Variants in SLC16A10 observed in about 807,000 individuals in gnomAD.
The protein encoded by SLC16A10 is solute carrier family 16 member 10.
A neutral mutation model predicts 40.0 loss-of-function variants in SLC16A10; 27 were observed. That is an observed-to-expected ratio of 0.67 (90% confidence interval 0.50 to 0.93). SLC16A10 has a LOEUF of 0.93. Ranked by LOEUF, SLC16A10 falls within the 40% of genes least tolerant of loss-of-function variation. The pLI is 0.00. For missense variants in SLC16A10, 529 were observed against 658.2 expected (o/e 0.80, Z 2.15); for synonymous variants, 213 against 249.8 (o/e 0.85, Z 1.39).
intron 1 of SLC16A10, among the ~76,000 whole-genome samples, chr6:111,109,221 T>C (rs1180117702): frequency 6.6e-6 from 1 of 152,176 alleles, no homozygotes; most frequent in Non-Finnish European, 1.5e-5. Flanking sequence ...GTGATCCTTT[T>C]TGCAGTTAGT....
chr6:111,171,949 A>G (rs146365296), intron 1 of SLC16A10, among the ~76,000 whole-genome samples: 11 of 152,286 alleles, frequency 7.2e-5, no homozygotes, highest in African/African-American at 2.6e-4. Context: ...AAGAAAATAG[A>G]GTAGTATACT....
At position 111,222,037 on chromosome 6, in the gene SLC16A10, G is replaced by A. The variant is rs923020440; in HGVS notation, c.1350G>A (p.Val450=). 5.0e-6 allele frequency: 8 copies of A among 1,609,402 alleles called. No homozygotes were observed. The highest frequency in any genetic ancestry group is 6.8e-6 in the Non-Finnish European group (8 of 1,178,842). Residue 450 remains valine (V), a synonymous_variant, in exon 6 of 6, where the codon GTG becomes GTA. Transcript: ENST00000368851. Reference sequence around the variant, plus strand: ...GTGACAAACTGGGCTCCTATGATGTGGCATTCTACCTCGCTGGAGTCCCTC... The same window carrying A: ...GTGACAAACTGGGCTCCTATGATGTAGCATTCTACCTCGCTGGAGTCCCTC... The part of the protein sequence containing the change: ...LLRDKLGSYD[V]AFYLAGVPPL...
chr6:111,206,510 G>T, intron 3 of SLC16A10, 82 bp from the exon 4 acceptor site: 2 of 1,489,912 alleles, frequency 1.3e-6, no homozygotes, highest in Non-Finnish European at 1.9e-6. Flanking sequence ...TTGCAGAGAA[G>T]CAAATGCATT....
chr6:111,115,267 G>A (rs889832138), intron 1 of SLC16A10, among the ~76,000 whole-genome samples: 1 of 152,236 alleles, frequency 6.6e-6, no homozygotes, highest in Non-Finnish European at 1.5e-5. Flanking sequence ...CTGGAGCGCA[G>A]TGGCACGGTC....
intron 4 of SLC16A10, among the ~76,000 whole-genome samples, chr6:111,207,266 C>T (rs1282388810): frequency 6.6e-6 from 1 of 152,212 alleles, no homozygotes; most frequent in Non-Finnish European, 1.5e-5. Context: ...GAATGGTTTT[C>T]ATCCATTGCT....
rs899319387 is a variant in SLC16A10 at position 111,226,012 on chromosome 6, T to C, written c.*3777T>C. The C allele has an allele frequency of 2.0e-5, 3 of 152,230 alleles. No homozygotes were observed. The highest frequency in any genetic ancestry group is 7.2e-5 in the African/African-American group (3 of 41,468). The allele number at this position is 152,230 out of a possible 1,614,324, so 9.4% of individuals were successfully genotyped here. A position where few individuals can be genotyped will look rare whatever the true frequency, so the allele number is the denominator to read the frequency against. Reference sequence around the variant, plus strand: ...GATCCCCACCCAATTTCGTGTATCCTGGTGAATGGCTTTCTCTCAGCCTTC... The same window carrying C: ...GATCCCCACCCAATTTCGTGTATCCCGGTGAATGGCTTTCTCTCAGCCTTC... On this transcript the variant is annotated 3_prime_UTR_variant, in exon 6 of 6. Transcript: ENST00000368851.
At chr6:111,193,180 GAC>G in intron 3 of SLC16A10, 5 of 483,690 alleles carry the variant, frequency 1.0e-5, no homozygotes, top group Non-Finnish European at 1.3e-5. Context: ...GAATGATTAA[GAC>G]ACCTTCTCTC....
chr6:111,122,127 T>A (rs959145184), intron 1 of SLC16A10, among the ~76,000 whole-genome samples: 2 of 152,074 alleles, frequency 1.3e-5, no homozygotes, highest in African/African-American at 4.8e-5. Context: ...TCAGGGAGGG[T>A]TGGGATCAGG....
intron 1 of SLC16A10, among the ~76,000 whole-genome samples, chr6:111,123,258 T>C (rs1432770797): frequency 6.6e-6 from 1 of 152,168 alleles, no homozygotes; most frequent in Non-Finnish European, 1.5e-5. Flanking sequence ...AATATAATTC[T>C]CTCATGAGCA....
intron 1 of SLC16A10, among the ~76,000 whole-genome samples, chr6:111,100,736 G>A (rs1394608469): frequency 6.6e-6 from 1 of 151,846 alleles, no homozygotes; most frequent in East Asian, 1.9e-4. Context: ...AAGGAGGTTA[G>A]CTTTCCTTAA....
At chr6:111,158,880 G>A (rs566923230) in intron 1 of SLC16A10, among the ~76,000 whole-genome samples, 78 of 151,964 alleles carry the variant, frequency 5.1e-4, no homozygotes, top group African/African-American at 1.9e-3. Flanking sequence ...GAATCCAGGA[G>A]TTAGAGACCA....
intron 1 of SLC16A10, among the ~76,000 whole-genome samples, chr6:111,088,900 T>C (rs1251151562): frequency 6.6e-6 from 1 of 152,134 alleles, no homozygotes; most frequent in Non-Finnish European, 1.5e-5. Context: ...CATGACACTT[T>C]AACATAAATT....
intron 1 of SLC16A10, among the ~76,000 whole-genome samples, chr6:111,110,942 T>G (rs2114457731): frequency 6.6e-6 from 1 of 152,296 alleles, no homozygotes; most frequent in South Asian, 2.1e-4. Context: ...TTTTTTTACA[T>G]TTTTTATTGT....
intron 1 of SLC16A10, among the ~76,000 whole-genome samples, chr6:111,093,682 T>G (rs1207977504): frequency 6.6e-6 from 1 of 152,190 alleles, no homozygotes; most frequent in East Asian, 1.9e-4. Context: ...TAGAAAAATT[T>G]TTAGTAACAG....
At chr6:111,219,278 T>G (rs563156420) in intron 5 of SLC16A10, among the ~76,000 whole-genome samples, 33 of 151,998 alleles carry the variant, frequency 2.2e-4, no homozygotes, top group Non-Finnish European at 4.3e-4. Flanking sequence ...ATAAAACACT[T>G]TGGGAGGCTG....
intron 1 of SLC16A10, among the ~76,000 whole-genome samples, chr6:111,100,089 T>TTAAATG (rs1353488194): frequency 2.6e-5 from 4 of 152,264 alleles, no homozygotes; most frequent in Non-Finnish European, 4.4e-5. Context: ...AAGATTATGT[T>TTAAATG]TCAAATGTTC....
chr6:111,158,468 A>G (rs997407562), intron 1 of SLC16A10, among the ~76,000 whole-genome samples: 8 of 152,108 alleles, frequency 5.3e-5, no homozygotes, highest in Admixed American at 5.2e-4. Flanking sequence ...GGAATGTGCA[A>G]CCTAGATCCC....
intron 1 of SLC16A10, among the ~76,000 whole-genome samples, chr6:111,091,044 G>A (rs531976470): frequency 2.0e-5 from 3 of 152,246 alleles, no homozygotes; most frequent in South Asian, 2.1e-4. Flanking sequence ...CTTTAGATGC[G>A]TTCCTATTTA....
intron 3 of SLC16A10, among the ~76,000 whole-genome samples, chr6:111,206,100 A>C (rs1349279762): frequency 6.7e-6 from 1 of 148,962 alleles, no homozygotes; most frequent in Non-Finnish European, 1.5e-5. Context: ...TTTTTTGGAG[A>C]CGGAGTCTTG....
Sources: allele counts gnomAD v4.1 joint callset (sites outside exome capture counted in the v4.1 genomes callset), GRCh38; gene constraint gnomAD v4.1.1; transcripts MANE v1.5; gene names NCBI Gene and HGNC (gene_info 2026-07-23, HGNC 2026-07-21).